The following SPTA1 variants were observed in gnomAD, a reference collection of about 807,000 sequenced individuals.
SPTA1 encodes spectrin alpha, erythrocytic 1, also known as spectrin alpha chain, erythrocytic 1.
In SPTA1, 177 loss-of-function variants were observed where a neutral mutation model predicts 324.7. That is an observed-to-expected ratio of 0.55 (90% confidence interval 0.48 to 0.62). SPTA1 has a LOEUF of 0.62. Among genes scored for constraint, SPTA1 ranks in the 20% least tolerant of loss-of-function variants. The pLI is 0.00. For missense variants in SPTA1, 3,162 were observed against 2,883.6 expected (o/e 1.10, Z -2.21); for synonymous variants, 1,195 against 1,041.3 (o/e 1.15, Z -2.84).
At chr1:158,658,304 A>G (rs1652972263) in intron 18 of SPTA1, among the ~76,000 whole-genome samples, 1 of 152,156 alleles carries the variant, frequency 6.6e-6, no homozygotes, top group African/African-American at 2.4e-5. Flanking sequence ...GAGAACTAGA[A>G]CTTGTGAGGT....
intron 10 of SPTA1, among the ~76,000 whole-genome samples, chr1:158,673,582 G>A (rs1368023929): frequency 1.3e-5 from 2 of 152,204 alleles, no homozygotes; most frequent in East Asian, 3.8e-4. Context: ...ATTGTATAGA[G>A]GAAAGAAGAA....
At chr1:158,613,587 A>T in intron 50 of SPTA1, 134 bp downstream of exon 50, 3 of 1,297,026 alleles carry the variant, frequency 2.3e-6, no homozygotes, top group Middle Eastern at 2.6e-4. Context: ...GAGCTGCCTA[A>T]TTCATTTATG....
chr1:158,669,848 A>G, intron 12 of SPTA1, 62 bp from the exon 13 acceptor site: 1 of 1,522,384 alleles, frequency 6.6e-7, no homozygotes, highest in South Asian at 1.1e-5. Flanking sequence ...AAGTGGCCAT[A>G]GTTTGGGTAG....
chr1:158,636,051 A>C lies in SPTA1; in HGVS notation c.5311-17T>G. The C allele has an allele frequency of 6.2e-7, 1 of 1,614,042 alleles. No individual in the cohort carries two copies. Among genetic ancestry groups the C allele is most frequent in the Non-Finnish European group, 8.5e-7 (1 of 1,179,968 alleles). The stretch of plus-strand genomic sequence containing the variant: ...CAGCACATTCTGAAGAACAACCCCG[A>C]TACATGTTCCATTACCCCACAATCT... On this transcript the variant is annotated splice_polypyrimidine_tract_variant and intron_variant, in intron 37 of 51. Coordinates refer to ENST00000643759, the MANE Select transcript of SPTA1 (RefSeq NM_003126.4).
At chr1:158,672,703 G>C (rs936230991) in intron 10 of SPTA1, among the ~76,000 whole-genome samples, 1 of 152,094 alleles carries the variant, frequency 6.6e-6, no homozygotes, top group African/African-American at 2.4e-5. Context: ...AAAGAGAGAA[G>C]AGACATTCTC....
At chr1:158,622,122 C>T (rs915239240) in intron 43 of SPTA1, among the ~76,000 whole-genome samples, 1 of 152,194 alleles carries the variant, frequency 6.6e-6, no homozygotes, top group Admixed American at 6.5e-5. Context: ...CCTTGCCCTA[C>T]CAAAGTGCTG....
chr1:158,632,037 A>C (rs993347956), intron 39 of SPTA1, among the ~76,000 whole-genome samples: 1 of 152,232 alleles, frequency 6.6e-6, no homozygotes, highest in Non-Finnish European at 1.5e-5. Flanking sequence ...AGATATGGAC[A>C]CAACCTAAAT....
In SPTA1 at chr1:158,639,926, T is replaced by C. The variant is rs1397678124; in HGVS notation, c.4819A>G (p.Ser1607Gly). Residue 1607 changes from serine to glycine, a missense_variant, in exon 34 of 52, where the codon AGT becomes GGT. Physicochemically the swap from Ser to Gly is moderately conservative, Grantham distance 56. Coordinates refer to ENST00000643759, the MANE Select transcript of SPTA1 (RefSeq NM_003126.4). ...NDKGKKLNEASRQQRFNTSIR... is the reference protein window; with the variant it reads ...NDKGKKLNEAGRQQRFNTSIR... ...CTTGTGTTGAACCTCTGTTGACGAC[T>C]GGCCTCATTGAGCTTCTTCCCTTTG... The C allele has an allele frequency of 6.2e-7, 1 of 1,613,866 alleles. No individual in the cohort carries two copies. Among genetic ancestry groups the C allele is most frequent in the African/African-American group, 1.3e-5 (1 of 74,904 alleles).
At chr1:158,664,365 C>T (rs1035830461) in intron 16 of SPTA1, among the ~76,000 whole-genome samples, 4 of 152,116 alleles carry the variant, frequency 2.6e-5, no homozygotes, top group Non-Finnish European at 2.9e-5. Flanking sequence ...AGAATGAGTT[C>T]ATGTCCTTTG....
At chr1:158,657,922 T>C (rs533813417) in intron 18 of SPTA1, among the ~76,000 whole-genome samples, 1 of 152,318 alleles carries the variant, frequency 6.6e-6, no homozygotes, top group Admixed American at 6.5e-5. Context: ...GTTGGTATTG[T>C]CTGACAAAGA....
chr1:158,671,174 A>G (rs574336290), intron 12 of SPTA1, among the ~76,000 whole-genome samples, 169 bp downstream of exon 12: 28 of 152,306 alleles, frequency 1.8e-4, no homozygotes, highest in South Asian at 1.0e-3. Context: ...GAGTTTGAAA[A>G]ACACACAAAT....
At chr1:158,638,371 A>T in intron 35 of SPTA1, 130 bp from the exon 36 acceptor site, 2 of 916,304 alleles carry the variant, frequency 2.2e-6, no homozygotes, top group Non-Finnish European at 3.4e-6. Context: ...GAGTTTGATT[A>T]TGTGTTATAC....
At chr1:158,614,184 CATT>C (rs760492533) in intron 49 of SPTA1, 66 bp downstream of exon 49, 1 of 1,233,712 alleles carries the variant, frequency 8.1e-7, no homozygotes, top group Non-Finnish European at 1.2e-6. Flanking sequence ...GTGAGAGAAA[CATT>C]ATTTGTAGAC....
At position 158,667,953 on chromosome 1, in the gene SPTA1, A is replaced by T; in HGVS notation, c.1943T>A (p.Ile648Asn). ...GTCAGAGGCATAGTGACCACCCTCA[A>T]TCATCTCTTGGCCAGTTTTCTGTAT... The part of the protein sequence containing the change: ...ENIQKTGQEM[I>N]EGGHYASDNV... Residue 648 changes from isoleucine to asparagine, a missense_variant, in exon 15 of 52, where the codon ATT (isoleucine) becomes AAT (asparagine). Physicochemically the swap from Ile to Asn is moderately radical, Grantham distance 149 (BLOSUM62 -3). Transcript: ENST00000643759. 1 of 1,614,044 alleles carries T rather than the reference A, an allele frequency of 6.2e-7. No individual in the cohort carries two copies. The highest frequency in any genetic ancestry group is 2.2e-5 in the East Asian group (1 of 44,856).
At position 158,636,719 on chromosome 1, in the gene SPTA1, A is replaced by T. The variant is rs749176177; in HGVS notation, c.5232T>A (p.Asp1744Glu). The stretch of plus-strand genomic sequence containing the variant: ...TCAGCAAGTTCTGAACCCCCTGAAG[A>T]TCTCTCCCATAGTCCTGGGAGCTCA... ...IRVSSQDYGR[D>E]LQGVQNLLKK... Residue 1744 changes from aspartate (D) to glutamate (E), a missense_variant, in exon 37 of 52, where the codon GAT (aspartate) becomes GAA (glutamate). Transcript: ENST00000643759. 19 of 1,614,088 alleles carry T rather than the reference A, an allele frequency of 1.2e-5. No individual in the cohort carries two copies. The East Asian group carries it at 1.3e-4, about 11-fold the overall frequency.
Position 158,642,440 on chromosome 1 carries a change from C to A in SPTA1, c.4708G>T (p.Ala1570Ser), listed in dbSNP as rs778626016. The A allele has an allele frequency of 1.2e-6, 2 of 1,613,450 alleles. No homozygotes were observed. Among genetic ancestry groups the A allele is most frequent in the South Asian group, 1.1e-5 (1 of 91,064 alleles). ...ATGGCCTCTTCATTGCCATCACAAG[C>A]GCTACACTCAATCAGGGAGTTCCCC... Reference protein sequence around the residue: ...NLGNSLIECSACDGNEEAMKE... With the variant: ...NLGNSLIECSSCDGNEEAMKE... The change falls in exon 33 of 52, where the codon GCT becomes TCT. Residue 1570 changes from alanine (A) to serine (S), a missense_variant. Transcript: ENST00000643759.
At chr1:158,621,500 A>T (rs1297850264) in intron 43 of SPTA1, among the ~76,000 whole-genome samples, 1 of 152,230 alleles carries the variant, frequency 6.6e-6, no homozygotes, top group Non-Finnish European at 1.5e-5. Flanking sequence ...AGTATTTAAT[A>T]TCTTTTTCAT....
chr1:158,650,343 C>A (rs767947205), intron 24 of SPTA1, among the ~76,000 whole-genome samples: 1 of 152,186 alleles, frequency 6.6e-6, no homozygotes, highest in Non-Finnish European at 1.5e-5. Flanking sequence ...GCCCTACTTT[C>A]TATAGGGGGT....
At chr1:158,683,223 A>AT (rs1157169526) in intron 3 of SPTA1, 148 bp downstream of exon 3, 1 of 1,115,126 alleles carries the variant, frequency 9.0e-7, no homozygotes, top group African/African-American at 1.6e-5. Context: ...ATATCCCATC[A>AT]TTTTTTATGC....
Sources: gnomAD v4.1 joint callset for allele counts (sites outside exome capture counted in the v4.1 genomes callset) on GRCh38, gnomAD v4.1.1 for gene constraint, MANE v1.5 for transcripts, NCBI Gene and HGNC (gene_info 2026-07-23, HGNC 2026-07-21) for gene names.